The following DAB2 variants were observed in gnomAD, a reference collection of about 807,000 sequenced individuals.
The protein encoded by DAB2 is disabled homolog 2.
In DAB2, 28 loss-of-function variants were observed where a neutral mutation model predicts 71.6. The observed-to-expected ratio is 0.39, with a 90% CI of 0.29 to 0.54. The LOEUF (loss-of-function observed/expected upper bound fraction) is 0.54, where lower values mean the gene tolerates loss of function less well. DAB2 is among the 20% of genes least tolerant of loss of function. The pLI is 0.68. For synonymous variants in DAB2, 345 were observed against 339.7 expected (o/e 1.02, Z -0.17); for missense variants, 867 against 928.8 (o/e 0.93, Z 0.86).
chr5:39,419,418 A>C (rs1339973056), intron 1 of DAB2, among the ~76,000 whole-genome samples: 2 of 152,162 alleles, frequency 1.3e-5, no homozygotes, highest in African/African-American at 4.8e-5. Flanking sequence ...TAATGATAAC[A>C]CCTTGGGCAA....
chr5:39,383,586 G>A (rs972185969), intron 9 of DAB2, among the ~76,000 whole-genome samples: 1 of 152,098 alleles, frequency 6.6e-6, no homozygotes, highest in Admixed American at 6.5e-5. Flanking sequence ...AATTCATTAT[G>A]AGCATTGTTT....
In DAB2 at chr5:39,381,493, T is replaced by C. The variant is rs1268470507; in HGVS notation, c.1465A>G (p.Thr489Ala). The C allele has an allele frequency of 2.5e-6, 4 of 1,613,918 alleles. No homozygotes were observed. In the South Asian group the frequency reaches 4.4e-5, roughly 18 times the overall value. Residue 489 changes from threonine to alanine, a missense_variant, in exon 11 of 15, where the codon ACA becomes GCA. Physicochemically the swap from Thr to Ala is moderately conservative, Grantham distance 58. This residue lies in a region of DAB2 where 740 missense variants were observed against 734.3 expected (regional missense o/e 1.01). Transcript: ENST00000320816. ...GGCCCCACTGGGGCAGGAGCACTTG[T>C]TTTGAAGAGATCCAGAGGGTTGGGC... ...LQPNPLDLFK[T>A]SAPAPVGPLV...
chr5:39,376,498 T>C lies in DAB2; in HGVS notation c.2137+152A>G, dbSNP rs908500571. 15 of 869,794 alleles carry C rather than the reference T, an allele frequency of 1.7e-5. No individual in the cohort carries two copies. In the Admixed American group the frequency reaches 1.8e-4, roughly 10 times the overall value. 53.9% of individuals were successfully genotyped at this position (869,794 alleles called of 1,614,324 possible). On this transcript the variant is annotated intron_variant, in intron 12 of 14. Coordinates refer to ENST00000320816, the MANE Select transcript of DAB2 (RefSeq NM_001343.4). The stretch of plus-strand genomic sequence containing the variant: ...TAAATAGTTATCACCAAAAGGTAAA[T>C]GGTTAAGTTGTCTCCGTAACCCTTG...
intron 11 of DAB2, among the ~76,000 whole-genome samples, chr5:39,380,390 C>T (rs1376721393): frequency 6.6e-6 from 1 of 152,132 alleles, no homozygotes; most frequent in Non-Finnish European, 1.5e-5. Flanking sequence ...GAGAGGAAAA[C>T]AAAACAAGGA....
intron 1 of DAB2, among the ~76,000 whole-genome samples, chr5:39,401,591 T>C (rs188984964): frequency 1.1e-3 from 174 of 152,256 alleles, no homozygotes; most frequent in African/African-American, 3.9e-3. Context: ...AAAATGAGAA[T>C]ATAGTTTGCT....
Position 39,383,002 on chromosome 5 carries a change from C to T in DAB2, c.957G>A (p.Gln319=). The change falls in exon 10 of 15, where the codon CAG becomes CAA. Residue 319 remains glutamine (Q), a synonymous_variant. Coordinates refer to ENST00000320816, the MANE Select transcript of DAB2 (RefSeq NM_001343.4). ...SSFDSLKSPD[Q]KKENSSSSST... ...ACGAGCTACTCGAATTCTCTTTCTT[C>T]TGATCTGGAGATTTGAGAGAATCAA... 1 of 1,614,140 alleles carries T rather than the reference C, an allele frequency of 6.2e-7. No individual in the cohort carries two copies.
intron 6 of DAB2, 80 bp from the exon 7 acceptor site, chr5:39,389,203 G>A: frequency 4.7e-6 from 5 of 1,072,936 alleles, no homozygotes; most frequent in Non-Finnish European, 7.1e-6. Context: ...TATGCCTATG[G>A]TTCACAGGCA....
At chr5:39,379,281 C>T (rs2112028480) in intron 11 of DAB2, among the ~76,000 whole-genome samples, 1 of 151,984 alleles carries the variant, frequency 6.6e-6, no homozygotes, top group Non-Finnish European at 1.5e-5. Flanking sequence ...TGGCGAAACC[C>T]TGTCTCTACT....
chr5:39,381,486 G>C lies in DAB2; in HGVS notation c.1472C>G (p.Ala491Gly). 6.2e-7 allele frequency: 1 copy of C among 1,614,094 alleles called. No homozygotes were observed. Among genetic ancestry groups the C allele is most frequent in the Non-Finnish European group, 8.5e-7 (1 of 1,179,984 alleles). The change falls in exon 11 of 15, where the codon GCT (alanine) becomes GGT (glycine). Residue 491 changes from alanine to glycine, a missense_variant. Ala to Gly is a moderately conservative substitution (Grantham distance 60, BLOSUM62 0). This residue lies in a region of DAB2 where 740 missense variants were observed against 734.3 expected (regional missense o/e 1.01). Coordinates refer to ENST00000320816, the MANE Select transcript of DAB2 (RefSeq NM_001343.4). ...CACCAGGGGCCCCACTGGGGCAGGA[G>C]CACTTGTTTTGAAGAGATCCAGAGG... is the stretch of plus-strand genomic sequence containing the variant. Reference protein sequence around the residue: ...PNPLDLFKTSAPAPVGPLVGL... With the variant: ...PNPLDLFKTSGPAPVGPLVGL...
intron 1 of DAB2, among the ~76,000 whole-genome samples, chr5:39,420,307 G>A (rs1755950276): frequency 6.6e-6 from 1 of 152,180 alleles, no homozygotes; most frequent in Non-Finnish European, 1.5e-5. Context: ...ATATTGCTAG[G>A]TAGCAATAGG....
intron 1 of DAB2, among the ~76,000 whole-genome samples, chr5:39,401,592 A>G (rs1211259121): frequency 6.6e-6 from 1 of 152,182 alleles, no homozygotes; most frequent in African/African-American, 2.4e-5. Context: ...AAATGAGAAT[A>G]TAGTTTGCTG....
In DAB2 at chr5:39,390,450, C is replaced by T. The variant is rs2548575; in HGVS notation, c.456G>A (p.Gly152=). ...GTCAAGACTTAGAGCTCACCTGTTGCCCGGTTTTTATGGCAAAAAACTGAT... is the reference window on the plus strand; with the variant it reads ...GTCAAGACTTAGAGCTCACCTGTTGTCCGGTTTTTATGGCAAAAAACTGAT... ...GQHQFFAIKT[G]QQAEPLVVDL... is the part of the protein sequence containing the mutation. The change falls in exon 5 of 15, where the codon GGG becomes GGA. Residue 152 remains glycine, a synonymous_variant. Transcript: ENST00000320816. The T allele has an allele frequency of 1.2e-6, 2 of 1,613,868 alleles. No homozygotes were observed. The highest frequency in any genetic ancestry group is 2.7e-5 in the African/African-American group (2 of 74,892).
rs764927440 is a variant in DAB2 at position 39,382,743 on chromosome 5, G to A, written c.1216C>T (p.Leu406=). ...TGCTTTACGCCATTCTGTATGGACA[G>A]TCCTTTGGGAGGGCTTCCCACAAAA... ...NPFVGSPPKG[L]SIQNGVKQDL... Residue 406 remains leucine, a synonymous_variant, in exon 10 of 15, where the codon CTG becomes TTG. Coordinates refer to ENST00000320816, the MANE Select transcript of DAB2 (RefSeq NM_001343.4). The A allele has an allele frequency of 3.7e-6, 6 of 1,614,176 alleles. No individual in the cohort carries two copies. Among genetic ancestry groups the A allele is most frequent in the Non-Finnish European group, 4.2e-6 (5 of 1,180,024 alleles).
intron 11 of DAB2, 134 bp from the exon 12 acceptor site, chr5:39,377,416 G>A: frequency 1.2e-6 from 1 of 855,734 alleles, no homozygotes; most frequent in Non-Finnish European, 1.8e-6. Flanking sequence ...GATATGGGAA[G>A]AATATGACAG....
At chr5:39,390,962 T>C (rs1206832350) in intron 4 of DAB2, among the ~76,000 whole-genome samples, 1 of 152,126 alleles carries the variant, frequency 6.6e-6, no homozygotes, top group Non-Finnish European at 1.5e-5. Context: ...ACAGCATAAC[T>C]AAGCTAGAGG....
Position 39,394,314 on chromosome 5 carries a change from T to C in DAB2, c.7A>G (p.Asn3Asp). 1 of 1,614,086 alleles carries C rather than the reference T, an allele frequency of 6.2e-7. No individual in the cohort carries two copies. ...TTGGTTGCACTTGTTTCTACTTCGTTAGACATGGCAAGAAGGCAGGCAGCA... is the reference window on the plus strand; with the variant it reads ...TTGGTTGCACTTGTTTCTACTTCGTCAGACATGGCAAGAAGGCAGGCAGCA... MS[N>D]EVETSATNGQ... Residue 3 changes from asparagine (N) to aspartate (D), a missense_variant, in exon 2 of 15, where the codon AAC becomes GAC. Transcript: ENST00000320816.
intron 11 of DAB2, among the ~76,000 whole-genome samples, chr5:39,377,679 G>A (rs1390827101): frequency 2.0e-5 from 3 of 152,160 alleles, no homozygotes; most frequent in Non-Finnish European, 2.9e-5. Context: ...ATATTTTTAT[G>A]CATGAACCAT....
chr5:39,419,666 A>C (rs1050607095), intron 1 of DAB2, among the ~76,000 whole-genome samples: 2 of 152,206 alleles, frequency 1.3e-5, no homozygotes, highest in African/African-American at 4.8e-5. Flanking sequence ...GTAATGATCT[A>C]GTTTACTGGA....
At position 39,424,858 on chromosome 5, in the gene DAB2, C is replaced by G. The variant is rs1429225928; in HGVS notation, c.-156G>C. The G allele has an allele frequency of 6.6e-6, 1 of 152,602 alleles. No homozygotes were observed. Among genetic ancestry groups the G allele is most frequent in the African/African-American group, 2.4e-5 (1 of 41,432 alleles). 9.5% of individuals were successfully genotyped at this position (152,602 alleles called of 1,614,324 possible). On this transcript the variant is annotated 5_prime_UTR_variant, in exon 1 of 15. Transcript: ENST00000320816. ...ATGACTTCCCCGCGCCCGGAGCCTC[C>G]AGGCTACAGCGCAGCGGATGCGGCG...
Sources: gnomAD v4.1 joint callset for allele counts (sites outside exome capture counted in the v4.1 genomes callset) on GRCh38, gnomAD v4.1.1 for gene constraint, gnomAD v4.1.1 regional missense constraint, MANE v1.5 for transcripts, NCBI Gene and HGNC (gene_info 2026-07-23, HGNC 2026-07-21) for gene names.